NCAM1: variants seen among roughly 807,000 people sequenced by gnomAD.
NCAM1 encodes neural cell adhesion molecule 1.
NCAM1 carries 14 observed loss-of-function variants against 109.8 expected under a neutral mutation model. That is an observed-to-expected ratio of 0.13 (90% CI 0.08 to 0.20). The LOEUF (loss-of-function observed/expected upper bound fraction) is 0.20, where lower values mean the gene tolerates loss of function less well. NCAM1 is among the 10% of genes least tolerant of loss of function. The pLI is 1.00. For synonymous variants in NCAM1, 418 were observed against 442.9 expected (o/e 0.94, Z 0.70); for missense variants, 774 against 1,109.9 (o/e 0.70, Z 4.30).
intron 1 of NCAM1, among the ~76,000 whole-genome samples, chr11:113,038,492 C>T (rs1952964646): frequency 6.6e-6 from 1 of 152,212 alleles, no homozygotes; most frequent in South Asian, 2.1e-4. Flanking sequence ...CTCGTCTTAT[C>T]TCCCTACTGA....
chr11:113,260,390 T>A, intron 17 of NCAM1, 67 bp downstream of exon 17: 1 of 1,515,130 alleles, frequency 6.6e-7, no homozygotes, highest in African/African-American at 1.4e-5. Flanking sequence ...CACCTCCTAA[T>A]GCGCCTGAAC....
chr11:113,197,970 A>C (rs1214700539), intron 1 of NCAM1, among the ~76,000 whole-genome samples: 1 of 152,182 alleles, frequency 6.6e-6, no homozygotes, highest in South Asian at 2.1e-4. Context: ...CAAAACATCT[A>C]TCTACACCTG....
intron 1 of NCAM1, among the ~76,000 whole-genome samples, chr11:113,139,165 A>T (rs1324177822): frequency 1.3e-5 from 2 of 152,248 alleles, no homozygotes; most frequent in Non-Finnish European, 2.9e-5. Context: ...TCTAAATAAA[A>T]TTACAGTTAC....
At chr11:113,101,539 GT>G in intron 1 of NCAM1, among the ~76,000 whole-genome samples, 1 of 152,070 alleles carries the variant, frequency 6.6e-6, no homozygotes, top group South Asian at 2.1e-4. Context: ...ACTTTCTCCT[GT>G]TTTTCCCCCA....
At position 113,205,672 on chromosome 11, in the gene NCAM1, A is replaced by G; in HGVS notation, c.490+6A>G. ...TGTCATCCTGAAAAAAGATGGTGAGACCTGAATTTCCTGGCATCTGCCTTT... is the reference window on the plus strand; with the variant it reads ...TGTCATCCTGAAAAAAGATGGTGAGGCCTGAATTTCCTGGCATCTGCCTTT... On this transcript the variant is annotated splice_donor_region_variant and intron_variant, in intron 4 of 19. Coordinates refer to ENST00000316851, the MANE Select transcript of NCAM1 (RefSeq NM_181351.5). The G allele has an allele frequency of 6.2e-7, 1 of 1,611,866 alleles. No homozygotes were observed. Among genetic ancestry groups the G allele is most frequent in the Non-Finnish European group, 8.5e-7 (1 of 1,179,116 alleles).
At chr11:113,157,136 G>GACACAC (rs112454729) in intron 1 of NCAM1, among the ~76,000 whole-genome samples, 4,505 of 146,942 alleles carry the variant, frequency 0.031, 147 homozygotes, top group African/African-American at 0.081. Flanking sequence ...GTTTCCCTGA[G>GACACAC]ACACACACAC....
intron 1 of NCAM1, among the ~76,000 whole-genome samples, chr11:113,005,597 G>A (rs1555073178): frequency 6.6e-6 from 1 of 152,050 alleles, no homozygotes; most frequent in Admixed American, 6.6e-5. Context: ...TTCTGGGCCT[G>A]GTGTCTCCCA....
chr11:113,214,249 C>G lies in NCAM1; in HGVS notation c.917-120C>G, dbSNP rs892610386. 3.4e-5 allele frequency: 36 copies of G among 1,045,574 alleles called. No homozygotes were observed. In the African/African-American group the frequency reaches 5.8e-4, roughly 17 times the overall value. The allele number at this position is 1,045,574 out of a possible 1,614,324, so 64.8% of individuals were successfully genotyped here. ...AGTCAGGTCTGCATCTCCTAAAACA[C>G]CTAGACTAGGGTCTTGTACTTAGCA... On this transcript the variant is annotated intron_variant, in intron 7 of 19. Coordinates refer to ENST00000316851, the MANE Select transcript of NCAM1 (RefSeq NM_181351.5).
chr11:113,240,703 G>C (rs79439250), intron 14 of NCAM1: 9 of 1,298,270 alleles, frequency 6.9e-6, no homozygotes, highest in Admixed American at 1.7e-5. Context: ...GATGCCCCAG[G>C]GTTGTTGCTT....
Position 113,233,048 on chromosome 11 carries a change from G to C in NCAM1, c.1523-99G>C. On this transcript the variant is annotated intron_variant, in intron 12 of 19. Coordinates refer to ENST00000316851, the MANE Select transcript of NCAM1 (RefSeq NM_181351.5). The surrounding 1 kb of genome is among the most constrained non-coding windows in gnomAD (Gnocchi z 4.5). Reference sequence around the variant, plus strand: ...CAGGATACAGTGACAGGATTCCCAAGAGTGAGCAGAAATGACAGAGATGTG... The same window carrying C: ...CAGGATACAGTGACAGGATTCCCAACAGTGAGCAGAAATGACAGAGATGTG... 1.6e-6 allele frequency: 2 copies of C among 1,269,980 alleles called. No homozygotes were observed. Among genetic ancestry groups the C allele is most frequent in the Middle Eastern group, 2.8e-4 (1 of 3,618 alleles). The allele number at this position is 1,269,980 out of a possible 1,614,324, so 78.7% of individuals were successfully genotyped here. A position where few individuals can be genotyped will look rare whatever the true frequency, so the allele number is the denominator to read the frequency against.
intron 1 of NCAM1, among the ~76,000 whole-genome samples, chr11:113,036,838 G>A (rs1203912033): frequency 3.3e-5 from 5 of 151,962 alleles, no homozygotes; most frequent in Admixed American, 1.3e-4. Context: ...TGTAGGTCCC[G>A]GGGGCACCCA....
At position 113,274,507 on chromosome 11, in the gene NCAM1, G is replaced by A. The variant is rs571606567; in HGVS notation, c.2457-760G>A. ...GAGTCAGACCTAGATTTTTATAGAG[G>A]CTCCTATGGCTGCTCCCCAGATAAG... On this transcript the variant is annotated intron_variant, in intron 19 of 19. Coordinates refer to ENST00000316851, the MANE Select transcript of NCAM1 (RefSeq NM_181351.5). This position sits in a 1 kb window ranked among gnomAD's most constrained non-coding sequence, Gnocchi z 4.1. Among the ~76,000 whole-genome samples the A allele has an allele frequency of 1.3e-5, 2 of 152,286 alleles. No homozygotes were observed. The highest frequency in any genetic ancestry group is 3.9e-4 in the East Asian group (2 of 5,176).
At chr11:113,270,488 C>T in intron 18 of NCAM1, 93 bp downstream of exon 18, 4 of 1,207,328 alleles carry the variant, frequency 3.3e-6, no homozygotes, top group Non-Finnish European at 3.6e-6. Context: ...CAGCTGGTGC[C>T]TTTCCTTTCA....
chr11:112,978,540 C>T (rs1403958000), intron 1 of NCAM1, among the ~76,000 whole-genome samples: 1 of 151,718 alleles, frequency 6.6e-6, no homozygotes, highest in Non-Finnish European at 1.5e-5. Context: ...GTAAGATGAG[C>T]TACTTATAAT....
intron 1 of NCAM1, among the ~76,000 whole-genome samples, chr11:113,140,927 G>A (rs141390288): frequency 1.3e-5 from 2 of 152,154 alleles, no homozygotes; most frequent in African/African-American, 4.8e-5. Flanking sequence ...CTGATCAGAT[G>A]TTATTAAATC....
chr11:113,050,219 T>C (rs549950273), intron 1 of NCAM1, among the ~76,000 whole-genome samples: 1 of 152,282 alleles, frequency 6.6e-6, no homozygotes, highest in South Asian at 2.1e-4. Context: ...TGATTTATGC[T>C]AATAGAATCA....
chr11:112,971,462 T>C (rs1950880428), intron 1 of NCAM1, among the ~76,000 whole-genome samples: 1 of 151,976 alleles, frequency 6.6e-6, no homozygotes, highest in African/African-American at 2.4e-5. Flanking sequence ...GAGGAAGAAA[T>C]GACAGCAAAG....
At chr11:113,207,409 G>T (rs199831399) in intron 6 of NCAM1, 31 bp downstream of exon 6, 4 of 1,554,350 alleles carry the variant, frequency 2.6e-6, no homozygotes. Flanking sequence ...TTTTATCATG[G>T]ACTAGAGGAG....
At chr11:113,230,320 G>C (rs1555116971) in intron 9 of NCAM1, among the ~76,000 whole-genome samples, 1 of 152,196 alleles carries the variant, frequency 6.6e-6, no homozygotes, top group Non-Finnish European at 1.5e-5. Context: ...TCCCAGGGAG[G>C]AATGGCACTT....
Sources: allele counts gnomAD v4.1 joint callset (sites outside exome capture counted in the v4.1 genomes callset), GRCh38; gene constraint gnomAD v4.1.1; non-coding constraint Gnocchi (gnomAD v3.1); transcripts MANE v1.5; gene names NCBI Gene and HGNC (gene_info 2026-07-23, HGNC 2026-07-21).